Variants in MTRR observed in about 807,000 individuals in gnomAD.
The protein encoded by MTRR is 5-methyltetrahydrofolate-homocysteine methyltransferase reductase, also known as methionine synthase reductase.
Under a neutral mutation model 79.2 loss-of-function variants are expected in MTRR, and 63 were observed. That is an observed-to-expected ratio of 0.80 (90% CI 0.65 to 0.98). The LOEUF is 0.98. MTRR is among the 50% of genes least tolerant of loss of function. MTRR has a pLI of 0.00. For missense variants in MTRR, 895 were observed against 839.6 expected, an observed-to-expected ratio of 1.07 and a Z score of -0.82; for synonymous variants, 355 against 313.3, an observed-to-expected ratio of 1.13 and a Z score of -1.41.
chr5:7,866,051 C>T, upstream of MTRR: 2 of 1,159,858 alleles, frequency 1.7e-6, no homozygotes, highest in Non-Finnish European at 1.3e-6. Context: ...ACATCATGAA[C>T]ATTCAACATC....
In MTRR at chr5:7,869,172, G is replaced by A. The variant is rs764236851; in HGVS notation, c.-69G>A. On this transcript the variant is annotated 5_prime_UTR_variant, in exon 1 of 15. Coordinates refer to ENST00000440940, the MANE Select transcript of MTRR (RefSeq NM_002454.3). ...CAGTGCGCGCTGGCGCAAGGTTGGT[G>A]GAAGTCGCGTTGTGCAGGTTCGTGC... The A allele has an allele frequency of 5.6e-6, 9 of 1,612,130 alleles. No homozygotes were observed. Among genetic ancestry groups the A allele is most frequent in the Non-Finnish European group, 5.9e-6 (7 of 1,179,836 alleles).
At chr5:7,874,457 T>A (rs922243215) in intron 3 of MTRR, among the ~76,000 whole-genome samples, 2 of 151,990 alleles carry the variant, frequency 1.3e-5, no homozygotes, top group Non-Finnish European at 2.9e-5. Flanking sequence ...TGTTTGAAAA[T>A]CCAGAAAAGA....
At chr5:7,851,256 C>T in exon 1 of MTRR, 1 of 412,612 alleles carries the variant, frequency 2.4e-6, no homozygotes, top group Non-Finnish European at 4.1e-6. Context: ...CCTGGGGTCT[C>T]TCCTTCCTTC....
chr5:7,888,196 G>T (rs933648177), intron 8 of MTRR, among the ~76,000 whole-genome samples: 2 of 152,028 alleles, frequency 1.3e-5, no homozygotes, highest in Non-Finnish European at 2.9e-5. Context: ...AAATTCCTTG[G>T]AGTAGAATTG....
At chr5:7,873,246 C>T in intron 2 of MTRR, 127 bp from the exon 3 acceptor site, 1 of 1,216,004 alleles carries the variant, frequency 8.2e-7, no homozygotes, top group Non-Finnish European at 1.2e-6. Context: ...GACTGGTCGT[C>T]TCAAAAAAAC....
intron 9 of MTRR, among the ~76,000 whole-genome samples, chr5:7,889,807 G>T (rs529834816): frequency 6.6e-6 from 1 of 152,316 alleles, no homozygotes; most frequent in African/African-American, 2.4e-5. Context: ...AGGGGACTGT[G>T]TCGTACCAGT....
In MTRR at chr5:7,900,908, A is replaced by G. The variant is rs1739374392; in HGVS notation, c.*850A>G. ...TCAAGCAGTGTGCTGGACCTAAAAT[A>G]CTGACTTTAGTTAGTATCCTTGGAT... On this transcript the variant is annotated 3_prime_UTR_variant, in exon 15 of 15. Transcript: ENST00000440940. 1 of 152,170 alleles carries G rather than the reference A, an allele frequency of 6.6e-6. No homozygotes were observed. The highest frequency in any genetic ancestry group is 1.5e-5 in the Non-Finnish European group (1 of 68,026). 9.4% of individuals were successfully genotyped at this position (152,170 alleles called of 1,614,324 possible).
upstream of MTRR, chr5:7,867,573 A>T (rs765297986): frequency 1.4e-5 from 22 of 1,614,264 alleles, no homozygotes; most frequent in South Asian, 2.3e-4. Flanking sequence ...GACAGCTGTG[A>T]GGGCTCCTTT....
intron 2 of MTRR, among the ~76,000 whole-genome samples, chr5:7,871,391 C>G (rs942961305): frequency 1.3e-5 from 2 of 152,222 alleles, no homozygotes; most frequent in African/African-American, 4.8e-5. Context: ...CTGGAAAAAA[C>G]TCGGCTGCTT....
chr5:7,860,247 C>G (rs562022931), intron 1 of MTRR, among the ~76,000 whole-genome samples: 1 of 152,258 alleles, frequency 6.6e-6, no homozygotes, highest in South Asian at 2.1e-4. Flanking sequence ...AGATATGAAA[C>G]CACAGTGCTG....
At chr5:7,858,096 C>T (rs964565196) in intron 1 of MTRR, among the ~76,000 whole-genome samples, 2 of 152,022 alleles carry the variant, frequency 1.3e-5, no homozygotes, top group Admixed American at 1.3e-4. Context: ...GAGTTTCGCA[C>T]CAAAAATTAG....
In MTRR at chr5:7,861,665, G is replaced by A. The variant is rs199967219; in HGVS notation, n.392-286G>A. ...TTAATTTCAACATCTGGTGAGAGAA[G>A]AAAGGAAAAATTCCTCGTGTGATAC... On this transcript the variant is annotated intron_variant and non_coding_transcript_variant, in intron 1 of 3. Coordinates refer to the MTRR transcript ENST00000502509. The A allele has an allele frequency of 9.5e-4, 1,523 of 1,605,856 alleles. 1 individual carries two copies. The highest frequency in any genetic ancestry group is 1.2e-3 in the Non-Finnish European group (1,388 of 1,175,362).
chr5:7,900,333 C>T lies in MTRR; in HGVS notation c.*275C>T, dbSNP rs1320162173. 3.4e-5 allele frequency: 14 copies of T among 415,226 alleles called. No individual in the cohort carries two copies. Among genetic ancestry groups the T allele is most frequent in the Non-Finnish European group, 5.7e-5 (13 of 228,404 alleles). The allele number at this position is 415,226 out of a possible 1,614,324, so 25.7% of individuals were successfully genotyped here. ...AGCTAAGGCAGCCTTCAGTCCCTAT[C>T]AGCGCCTCCTTTACTTCCCAGAGAA... On this transcript the variant is annotated 3_prime_UTR_variant, in exon 15 of 15. Transcript: ENST00000440940.
chr5:7,860,039 G>C (rs546283583), intron 1 of MTRR, among the ~76,000 whole-genome samples: 6 of 152,330 alleles, frequency 3.9e-5, no homozygotes, highest in Admixed American at 1.3e-4. Context: ...GCTGGGAGCA[G>C]AGGGGCCAGG....
intron 2 of MTRR, among the ~76,000 whole-genome samples, chr5:7,871,803 G>A (rs1242831702): frequency 6.6e-6 from 1 of 152,208 alleles, no homozygotes. Context: ...GGAGCTTCCT[G>A]GAGGAGACTG....
chr5:7,883,373 G>A (rs1200151511), intron 6 of MTRR, 96 bp downstream of exon 6: 2 of 1,524,664 alleles, frequency 1.3e-6, no homozygotes, highest in Non-Finnish European at 1.8e-6. Context: ...GTGGTGTGCT[G>A]CTTGGTTACA....
At chr5:7,869,146 T>C (rs768458000), upstream of MTRR, 12 of 1,613,204 alleles carry the variant, frequency 7.4e-6, no homozygotes, top group Middle Eastern at 1.6e-4. Flanking sequence ...GGGCGCTGCG[T>C]CAGTGCGCGC....
intron 8 of MTRR, among the ~76,000 whole-genome samples, chr5:7,887,092 A>C (rs1402330115): frequency 2.0e-5 from 3 of 152,132 alleles, no homozygotes; most frequent in Non-Finnish European, 1.5e-5. Flanking sequence ...GGTGACAGAA[A>C]GCTAATGAGA....
At chr5:7,871,002 G>A (rs1747881475) in intron 2 of MTRR, 79 bp downstream of exon 2, 1 of 1,500,828 alleles carries the variant, frequency 6.7e-7, no homozygotes, top group Admixed American at 1.7e-5. Flanking sequence ...TGAAACAAAA[G>A]GACACTAATA....
Sources: gnomAD v4.1 joint callset for allele counts (sites outside exome capture counted in the v4.1 genomes callset) on GRCh38, gnomAD v4.1.1 for gene constraint, MANE v1.5 for transcripts, NCBI Gene and HGNC (gene_info 2026-07-23, HGNC 2026-07-21) for gene names.